Variants in CARMIL1 observed in about 807,000 individuals in gnomAD.
The protein encoded by CARMIL1 is capping protein regulator and myosin 1 linker 1.
In CARMIL1, 90 loss-of-function variants were observed where a neutral mutation model predicts 177.1. The observed-to-expected ratio is 0.51, with a 90% CI of 0.43 to 0.61. CARMIL1 has a LOEUF of 0.61. Ranked by LOEUF, CARMIL1 falls within the 20% of genes least tolerant of loss-of-function variation. CARMIL1 has a pLI of 0.00. For synonymous variants in CARMIL1, 577 were observed against 606.2 expected, an observed-to-expected ratio of 0.95 and a Z score of 0.71; for missense variants, 1,380 against 1,667.0, an observed-to-expected ratio of 0.83 and a Z score of 3.00.
At chr6:25,612,030 C>A (rs976039251) in intron 36 of CARMIL1, among the ~76,000 whole-genome samples, 1 of 152,190 alleles carries the variant, frequency 6.6e-6, no homozygotes, top group Non-Finnish European at 1.5e-5. Flanking sequence ...GAATGGCTCA[C>A]GCTCCCTTCT....
chr6:25,491,777 G>C lies in CARMIL1; in HGVS notation c.1111G>C (p.Asp371His), dbSNP rs1803258610. Residue 371 changes from aspartate (D) to histidine (H), a missense_variant, in exon 14 of 37, where the codon GAT becomes CAT. Asp to His is a moderately conservative substitution (Grantham distance 81). Transcript: ENST00000329474. The stretch of plus-strand genomic sequence containing the variant: ...CCAGCCAAATGCCATTGTTCATCTG[G>C]ATTTATCCAATACAGAATGTTCCCT... The part of the protein sequence containing the change: ...LAQPNAIVHL[D>H]LSNTECSLDM... 6.2e-7 allele frequency: 1 copy of C among 1,600,626 alleles called. No individual in the cohort carries two copies. Among genetic ancestry groups the C allele is most frequent in the South Asian group, 1.1e-5 (1 of 89,094 alleles).
Position 25,450,633 on chromosome 6 carries a change from A to C in CARMIL1, c.541-5A>C, listed in dbSNP as rs1464284849. On this transcript the variant is annotated splice_polypyrimidine_tract_variant and splice_region_variant and intron_variant, in intron 7 of 36. Coordinates refer to ENST00000329474, the MANE Select transcript of CARMIL1 (RefSeq NM_017640.6). ...GATGACATGACTGAATTATATTTCA[A>C]ATAGGATGTGGATACAATTTATCTT... 1 of 1,553,772 alleles carries C rather than the reference A, an allele frequency of 6.4e-7. No homozygotes were observed. The highest frequency in any genetic ancestry group is 8.9e-7 in the Non-Finnish European group (1 of 1,129,528).
intron 2 of CARMIL1, among the ~76,000 whole-genome samples, chr6:25,313,584 C>T (rs1784013637): frequency 6.6e-6 from 1 of 151,334 alleles, no homozygotes; most frequent in African/African-American, 2.4e-5. Context: ...GGGCCAGGGC[C>T]ACCGCTAACT....
chr6:25,462,243 A>G (rs1800190390), intron 8 of CARMIL1, among the ~76,000 whole-genome samples: 1 of 152,150 alleles, frequency 6.6e-6, no homozygotes, highest in African/African-American at 2.4e-5. Context: ...TCTTAGACTA[A>G]GCCATACCTT....
chr6:25,601,887 G>A (rs1815445408), intron 33 of CARMIL1, among the ~76,000 whole-genome samples: 1 of 152,122 alleles, frequency 6.6e-6, no homozygotes, highest in African/African-American at 2.4e-5. Flanking sequence ...TTTAAGTCAG[G>A]TTGTGGTTTC....
intron 2 of CARMIL1, chr6:25,389,105 C>T (rs1056022220): frequency 1.3e-5 from 2 of 152,212 alleles, no homozygotes; most frequent in Non-Finnish European, 2.9e-5. Context: ...CCATGTTTTA[C>T]GTTCAGTACT....
chr6:25,521,411 AAGAC>A (rs1284904787), intron 23 of CARMIL1, among the ~76,000 whole-genome samples: 1 of 152,216 alleles, frequency 6.6e-6, no homozygotes, highest in Non-Finnish European at 1.5e-5. Flanking sequence ...ATAGTACACA[AAGAC>A]AGTTTGTGAG....
rs538844591 is a variant in CARMIL1, at chr6:25,509,389, G to C, written c.1396-267G>C. Among the ~76,000 whole-genome samples the C allele has an allele frequency of 2.0e-5, 3 of 152,114 alleles. No homozygotes were observed. The highest frequency in any genetic ancestry group is 7.2e-5 in the African/African-American group (3 of 41,432). On this transcript the variant is annotated intron_variant, in intron 17 of 36. Transcript: ENST00000329474. This position sits in a 1 kb window ranked among gnomAD's most constrained non-coding sequence, Gnocchi z 4.1. ...TGCACTGCTTTGCTACTATAGTGGC[G>C]TGGGTGGTGGTCATCTTGTTTCTCT...
At chr6:25,377,380 T>G (rs1237460369) in intron 2 of CARMIL1, among the ~76,000 whole-genome samples, 1 of 152,192 alleles carries the variant, frequency 6.6e-6, no homozygotes, top group African/African-American at 2.4e-5. Context: ...GTTTTTTGTT[T>G]CATGGAGTGC....
intron 5 of CARMIL1, among the ~76,000 whole-genome samples, chr6:25,443,198 A>G (rs1797933373): frequency 6.6e-6 from 1 of 152,206 alleles, no homozygotes; most frequent in Non-Finnish European, 1.5e-5. Flanking sequence ...GGCTGTGCCT[A>G]CTTCTGACAG....
chr6:25,457,699 T>C (rs1043862871), intron 8 of CARMIL1, among the ~76,000 whole-genome samples: 2 of 152,230 alleles, frequency 1.3e-5, no homozygotes, highest in African/African-American at 2.4e-5. Flanking sequence ...ATTGTGTGCA[T>C]GCATGGAGCA....
At chr6:25,281,136 GCACACACACACACACACA>G (rs1554148590) in intron 1 of CARMIL1, among the ~76,000 whole-genome samples, 52 of 132,194 alleles carry the variant, frequency 3.9e-4, no homozygotes, top group Middle Eastern at 3.8e-3. Context: ...GTGCGCGCGC[GCACACACACACACACACA>G]CACACACACA....
At chr6:25,511,612 G>A (rs1805456017) in intron 20 of CARMIL1, among the ~76,000 whole-genome samples, 1 of 152,166 alleles carries the variant, frequency 6.6e-6, no homozygotes, top group African/African-American at 2.4e-5. Flanking sequence ...TATTAATCAT[G>A]TGGAGTATGT....
intron 24 of CARMIL1, among the ~76,000 whole-genome samples, chr6:25,534,233 TTA>T (rs1340414521): frequency 2.0e-5 from 3 of 152,068 alleles, no homozygotes; most frequent in Non-Finnish European, 4.4e-5. Flanking sequence ...CCGTGAATGT[TTA>T]TGGGGTAAGG....
At chr6:25,542,488 A>G (rs2151139952) in intron 26 of CARMIL1, among the ~76,000 whole-genome samples, 1 of 152,262 alleles carries the variant, frequency 6.6e-6, no homozygotes, top group African/African-American at 2.4e-5. Flanking sequence ...ATTTGCAAAT[A>G]TCATAGCATG....
Position 25,471,238 on chromosome 6 carries a change from G to T in CARMIL1, c.760G>T (p.Glu254Ter). The stretch of plus-strand genomic sequence containing the variant: ...CAATCGACTGGAAGAATTGGTGTTG[G>T]AAAATGCTGGACTTAGAACGTGAGT... Reference protein sequence around the residue: ...RSNRLEELVLENAGLRTDFAQ... With the variant: ...RSNRLEELVL The change falls in exon 10 of 37, where the codon GAA becomes TAA. Residue 254 changes from glutamate to a stop codon, truncating the protein, a stop_gained. Coordinates refer to ENST00000329474, the MANE Select transcript of CARMIL1 (RefSeq NM_017640.6). LOFTEE classifies it high-confidence loss of function. 6.2e-7 allele frequency: 1 copy of T among 1,612,620 alleles called. No individual in the cohort carries two copies. The highest frequency in any genetic ancestry group is 8.5e-7 in the Non-Finnish European group (1 of 1,178,878).
chr6:25,481,011 T>C (rs983248958), intron 11 of CARMIL1, among the ~76,000 whole-genome samples: 1 of 152,030 alleles, frequency 6.6e-6, no homozygotes, highest in African/African-American at 2.4e-5. Flanking sequence ...ATTTGTCCCC[T>C]TTTTTCCTCT....
intron 2 of CARMIL1, among the ~76,000 whole-genome samples, chr6:25,387,105 C>T (rs887030119): frequency 9.7e-6 from 1 of 102,738 alleles, no homozygotes; most frequent in African/African-American, 5.3e-5. Flanking sequence ...CAGAGTGAGA[C>T]TCTGTCTCCA....
intron 2 of CARMIL1, among the ~76,000 whole-genome samples, chr6:25,302,052 A>C (rs550650644): frequency 2.6e-5 from 4 of 152,272 alleles, no homozygotes; most frequent in East Asian, 1.9e-4. Flanking sequence ...TTAAAAATAC[A>C]TGGAATAGAG....
Sources: allele counts gnomAD v4.1 joint callset (sites outside exome capture counted in the v4.1 genomes callset), GRCh38; gene constraint gnomAD v4.1.1; non-coding constraint Gnocchi (gnomAD v3.1); transcripts MANE v1.5; gene names NCBI Gene and HGNC (gene_info 2026-07-23, HGNC 2026-07-21).